The following HHIP variants were observed in gnomAD, a reference collection of about 807,000 sequenced individuals.
HHIP encodes hedgehog interacting protein.
Under a neutral mutation model 74.0 loss-of-function variants are expected in HHIP, and 12 were observed. That is an observed-to-expected ratio of 0.16 (90% CI 0.10 to 0.26). The LOEUF (loss-of-function observed/expected upper bound fraction) is 0.26. HHIP is among the 10% of genes least tolerant of loss of function. The pLI is 1.00. For synonymous variants in HHIP, 309 were observed against 311.6 expected (o/e 0.99, Z 0.09); for missense variants, 788 against 845.0 (o/e 0.93, Z 0.84).
chr4:144,694,281 A>T (rs1023302974), intron 4 of HHIP, among the ~76,000 whole-genome samples: 43 of 151,664 alleles, frequency 2.8e-4, no homozygotes, highest in Admixed American at 7.9e-4. Flanking sequence ...CATGGAGGAA[A>T]CCTCATATTT....
At chr4:144,690,176 G>A (rs906014083) in intron 4 of HHIP, among the ~76,000 whole-genome samples, 2 of 152,200 alleles carry the variant, frequency 1.3e-5, no homozygotes, top group African/African-American at 4.8e-5. Context: ...TCATGAAATT[G>A]AGGTATAGGT....
intron 4 of HHIP, among the ~76,000 whole-genome samples, chr4:144,663,280 C>T (rs938448815): frequency 1.3e-5 from 2 of 151,936 alleles, no homozygotes; most frequent in Non-Finnish European, 2.9e-5. Flanking sequence ...GGCAACAGAG[C>T]GAGACTCCAT....
At chr4:144,702,984 AGGAGGGCGG>A (rs1730029321) in intron 4 of HHIP, among the ~76,000 whole-genome samples, 1 of 152,310 alleles carries the variant, frequency 6.6e-6, no homozygotes, top group South Asian at 2.1e-4. Context: ...TGGGAGGCCG[AGGAGGGCGG>A]ATCACCTGAG....
chr4:144,732,748 A>G (rs1389189456), intron 11 of HHIP, among the ~76,000 whole-genome samples: 1 of 152,228 alleles, frequency 6.6e-6, no homozygotes, highest in Non-Finnish European at 1.5e-5. Context: ...ATGGGGTAGT[A>G]TGTGAGAGTA....
intron 4 of HHIP, among the ~76,000 whole-genome samples, chr4:144,691,551 T>A (rs966219731): frequency 6.6e-6 from 1 of 152,228 alleles, no homozygotes; most frequent in Non-Finnish European, 1.5e-5. Context: ...TTTTTGCTAA[T>A]GTGCTTGTAT....
intron 4 of HHIP, among the ~76,000 whole-genome samples, chr4:144,665,897 A>G (rs763819279): frequency 1.4e-4 from 22 of 152,306 alleles, no homozygotes; most frequent in Middle Eastern, 3.4e-3. Flanking sequence ...TTACATTAAT[A>G]TCTTTATATT....
At chr4:144,713,917 A>C (rs1578718287) in intron 8 of HHIP, among the ~76,000 whole-genome samples, 1 of 152,142 alleles carries the variant, frequency 6.6e-6, no homozygotes, top group Non-Finnish European at 1.5e-5. Flanking sequence ...TTTGGTTCAA[A>C]GTAAATAATC....
At chr4:144,737,163 T>C (rs930360741) in intron 12 of HHIP, among the ~76,000 whole-genome samples, 2 of 152,250 alleles carry the variant, frequency 1.3e-5, no homozygotes, top group African/African-American at 4.8e-5. Context: ...GAACATCCTT[T>C]GCTGGCCAAC....
rs892826770 is a variant in HHIP at position 144,744,081 on chromosome 4, T to G, written c.*6124T>G. On this transcript the variant is annotated 3_prime_UTR_variant, in exon 13 of 13. Transcript: ENST00000296575. The stretch of plus-strand genomic sequence containing the variant: ...CTTATCTCATTATATTCACAGCATA[T>G]GTTTGGACATGCGTTTCACCAAGAA... 1 of 152,156 alleles carries G rather than the reference T, an allele frequency of 6.6e-6. No individual in the cohort carries two copies. The highest frequency in any genetic ancestry group is 2.4e-5 in the African/African-American group (1 of 41,458). The allele number at this position is 152,156 out of a possible 1,614,324, so 9.4% of individuals were successfully genotyped here.
rs1244609339 is a variant in HHIP, at chr4:144,741,047, G to A, written c.*3090G>A. ...ATTTGGCAGATCTTTAAGTGAAAGA[G>A]AGAAAAAATTTAAGAAATTGAGTGA... On this transcript the variant is annotated 3_prime_UTR_variant, in exon 13 of 13. Coordinates refer to ENST00000296575, the MANE Select transcript of HHIP (RefSeq NM_022475.3). The A allele has an allele frequency of 6.6e-6, 1 of 152,138 alleles. No homozygotes were observed. The highest frequency in any genetic ancestry group is 1.5e-5 in the Non-Finnish European group (1 of 68,032). 9.4% of individuals were successfully genotyped at this position (152,138 alleles called of 1,614,324 possible).
chr4:144,723,855 A>G (rs1377004598), intron 11 of HHIP, among the ~76,000 whole-genome samples: 1 of 152,232 alleles, frequency 6.6e-6, no homozygotes, highest in Non-Finnish European at 1.5e-5. Flanking sequence ...GTGGATTTGA[A>G]GTCTAAGAGG....
At chr4:144,666,400 C>G (rs532989354) in intron 4 of HHIP, among the ~76,000 whole-genome samples, 2 of 152,058 alleles carry the variant, frequency 1.3e-5, no homozygotes, top group Non-Finnish European at 2.9e-5. Context: ...ACACTCTCTT[C>G]TTCTTTCTTA....
chr4:144,707,013 A>T, intron 5 of HHIP, 74 bp from the exon 6 acceptor site: 1 of 1,263,460 alleles, frequency 7.9e-7, no homozygotes, highest in Admixed American at 1.7e-5. Flanking sequence ...TTTCATTTAT[A>T]TACTATTCAC....
chr4:144,668,765 C>G (rs1165267482), intron 4 of HHIP, among the ~76,000 whole-genome samples: 1 of 151,962 alleles, frequency 6.6e-6, no homozygotes, highest in Non-Finnish European at 1.5e-5. Flanking sequence ...AAAAACAAAA[C>G]AAAACAAAAG....
chr4:144,739,552 G>A lies in HHIP; in HGVS notation c.*1595G>A, dbSNP rs1441056157. ...GTGAGAGATTTGCAATTAAAGCCCA[G>A]TAAGCATTTATATAGAAGCCACAAT... is the stretch of plus-strand genomic sequence containing the variant. On this transcript the variant is annotated 3_prime_UTR_variant, in exon 13 of 13. Coordinates refer to ENST00000296575, the MANE Select transcript of HHIP (RefSeq NM_022475.3). 1.1e-4 allele frequency: 16 copies of A among 152,156 alleles called. No homozygotes were observed. The highest frequency in any genetic ancestry group is 1.0e-3 in the Admixed American group (16 of 15,278). The allele number at this position is 152,156 out of a possible 1,614,324, so 9.4% of individuals were successfully genotyped here.
chr4:144,667,468 C>G (rs1436549946), intron 4 of HHIP, among the ~76,000 whole-genome samples: 2 of 152,150 alleles, frequency 1.3e-5, no homozygotes, highest in African/African-American at 2.4e-5. Flanking sequence ...AAGTTATTGA[C>G]GCATGTGGAC....
At chr4:144,697,811 A>G (rs1211832892) in intron 4 of HHIP, among the ~76,000 whole-genome samples, 1 of 152,120 alleles carries the variant, frequency 6.6e-6, no homozygotes, top group Non-Finnish European at 1.5e-5. Flanking sequence ...TCAAAAGATC[A>G]TTCATATATG....
At chr4:144,679,829 T>G (rs1316038105) in intron 4 of HHIP, among the ~76,000 whole-genome samples, 1 of 152,214 alleles carries the variant, frequency 6.6e-6, no homozygotes, top group African/African-American at 2.4e-5. Flanking sequence ...TGCAGGACAT[T>G]TCTGAACATT....
At chr4:144,670,622 T>G (rs1260675037) in intron 4 of HHIP, among the ~76,000 whole-genome samples, 1 of 151,102 alleles carries the variant, frequency 6.6e-6, no homozygotes, top group Non-Finnish European at 1.5e-5. Flanking sequence ...GCATCTGTCC[T>G]CAGGCTTTTC....
Sources: allele counts gnomAD v4.1 joint callset (sites outside exome capture counted in the v4.1 genomes callset), GRCh38; gene constraint gnomAD v4.1.1; transcripts MANE v1.5; gene names NCBI Gene and HGNC (gene_info 2026-07-23, HGNC 2026-07-21).